Variants in MACROD2 observed in about 807,000 individuals in gnomAD.
MACROD2 encodes the protein ADP-ribose glycohydrolase MACROD2.
Under a neutral mutation model 70.4 loss-of-function variants are expected in MACROD2, and 36 were observed. The observed-to-expected ratio is 0.51, with a 90% CI of 0.39 to 0.68. MACROD2 has a LOEUF of 0.68. MACROD2 is among the 30% of genes least tolerant of loss of function. The probability of loss-of-function intolerance (pLI) is 0.00; values close to 1 mark genes in which losing one functional copy is unlikely to be tolerated. For missense variants in MACROD2, 496 were observed against 538.4 expected, an observed-to-expected ratio of 0.92 and a Z score of 0.78; for synonymous variants, 172 against 178.8, an observed-to-expected ratio of 0.96 and a Z score of 0.30.
intron 8 of MACROD2, among the ~76,000 whole-genome samples, chr20:15,557,840 C>T (rs1446824019): frequency 2.0e-5 from 3 of 152,198 alleles, no homozygotes; most frequent in South Asian, 2.1e-4. Flanking sequence ...TTACCATTGT[C>T]GGGCAATCTG....
chr20:14,788,038 A>G lies in MACROD2; in HGVS notation c.418+103079A>G, dbSNP rs142416822. Reference sequence around the variant, plus strand: ...CTCTGACAGGTAAGTCCAGGCATCAAAAAGTGTGTATTTTCTAAATATTGA... The same window carrying G: ...CTCTGACAGGTAAGTCCAGGCATCAGAAAGTGTGTATTTTCTAAATATTGA... On this transcript the variant is annotated intron_variant, in intron 5 of 17. Transcript: ENST00000684519. 7.2e-5 allele frequency among the ~76,000 whole-genome samples: 11 copies of G among 152,212 alleles called. 1 individual carries two copies. Among genetic ancestry groups the G allele is most frequent in the African/African-American group, 2.7e-4 (11 of 41,494 alleles).
chr20:15,194,910 G>A (rs1010465044), intron 5 of MACROD2, among the ~76,000 whole-genome samples: 1 of 149,810 alleles, frequency 6.7e-6, no homozygotes, highest in Non-Finnish European at 1.5e-5. Context: ...AAGAGTATAG[G>A]CAAATTATTT....
intron 4 of MACROD2, among the ~76,000 whole-genome samples, chr20:14,600,573 G>C (rs1393155222): frequency 2.6e-5 from 4 of 152,052 alleles, no homozygotes; most frequent in Non-Finnish European, 5.9e-5. Flanking sequence ...TGTTAATTTA[G>C]TCTTTTAATT....
intron 6 of MACROD2, among the ~76,000 whole-genome samples, chr20:15,252,904 C>T (rs572699289): frequency 6.6e-6 from 1 of 152,314 alleles, no homozygotes; most frequent in South Asian, 2.1e-4. Flanking sequence ...ATCATGGCAT[C>T]ACTTTGATGG....
chr20:15,272,203 T>C (rs1321087247), intron 6 of MACROD2, among the ~76,000 whole-genome samples: 2 of 152,202 alleles, frequency 1.3e-5, no homozygotes, highest in Admixed American at 1.3e-4. Context: ...TGCATAAAAC[T>C]GAGTTCAAAA....
At chr20:14,850,383 C>A (rs756294600) in intron 5 of MACROD2, 2 of 155,290 alleles carry the variant, frequency 1.3e-5, no homozygotes, top group African/African-American at 2.4e-5. Flanking sequence ...TTTACCCATT[C>A]TCTCTCAGGG....
intron 3 of MACROD2, among the ~76,000 whole-genome samples, chr20:14,175,744 A>G (rs1385530979): frequency 6.6e-6 from 1 of 152,208 alleles, no homozygotes; most frequent in Non-Finnish European, 1.5e-5. Context: ...CTGCTGGGAA[A>G]CCGATCACAA....
At chr20:15,917,181 C>A (rs2065331907) in intron 10 of MACROD2, among the ~76,000 whole-genome samples, 1 of 152,178 alleles carries the variant, frequency 6.6e-6, no homozygotes, top group Admixed American at 6.5e-5. Context: ...CTTTCTGTGT[C>A]TCTCAAATTT....
At chr20:14,483,895 C>A (rs2084691162) in intron 3 of MACROD2, among the ~76,000 whole-genome samples, 1 of 152,122 alleles carries the variant, frequency 6.6e-6, no homozygotes, top group Non-Finnish European at 1.5e-5. Flanking sequence ...AAGAGACTTA[C>A]CTTTAGTTGA....
intron 6 of MACROD2, among the ~76,000 whole-genome samples, chr20:15,264,053 T>G (rs1238782916): frequency 6.6e-6 from 1 of 152,136 alleles, no homozygotes; most frequent in East Asian, 1.9e-4. Flanking sequence ...TATAAGCAAT[T>G]GATACTGCAT....
chr20:15,337,317 A>G (rs1371188395), intron 6 of MACROD2, among the ~76,000 whole-genome samples: 2 of 151,558 alleles, frequency 1.3e-5, no homozygotes, highest in Non-Finnish European at 2.9e-5. Flanking sequence ...GCTCCCAGAG[A>G]GTCTAGGGCA....
chr20:14,323,075 A>T (rs948145540), intron 3 of MACROD2: 1 of 152,172 alleles, frequency 6.6e-6, no homozygotes, highest in Non-Finnish European at 1.5e-5. Context: ...ACACCACGCA[A>T]GCAATCAGTT....
intron 8 of MACROD2, among the ~76,000 whole-genome samples, chr20:15,807,647 T>C (rs2063781239): frequency 1.3e-5 from 2 of 152,202 alleles, no homozygotes; most frequent in African/African-American, 4.8e-5. Context: ...TTTATATTGA[T>C]TGTAAGTTGA....
chr20:14,348,558 A>C (rs1191367984), intron 3 of MACROD2, among the ~76,000 whole-genome samples: 2 of 151,948 alleles, frequency 1.3e-5, no homozygotes, highest in East Asian at 1.9e-4. Context: ...AGTAGACAAA[A>C]AAAAAAAAGA....
chr20:15,267,782 G>A, intron 6 of MACROD2, among the ~76,000 whole-genome samples: 1 of 152,164 alleles, frequency 6.6e-6, no homozygotes, highest in Non-Finnish European at 1.5e-5. Context: ...CGGGGCCTTG[G>A]GAAGTTCCTG....
chr20:14,265,359 T>C (rs1220671726), intron 3 of MACROD2, among the ~76,000 whole-genome samples: 2 of 152,094 alleles, frequency 1.3e-5, no homozygotes, highest in Non-Finnish European at 2.9e-5. Flanking sequence ...CTGAAGATGA[T>C]CTTGATCAGA....
intron 5 of MACROD2, among the ~76,000 whole-genome samples, chr20:14,941,576 A>G (rs1003415539): frequency 1.3e-5 from 2 of 152,064 alleles, no homozygotes; most frequent in Admixed American, 6.5e-5. Context: ...GTCATCTTGG[A>G]GTTTTTTCAC....
intron 8 of MACROD2, among the ~76,000 whole-genome samples, chr20:15,715,940 ATTTAAGGTTATATCAACTTC>A (rs1430712438): frequency 6.6e-6 from 1 of 152,172 alleles, no homozygotes. Context: ...GTGATAAACA[ATTTAAGGTTATATCAACTTC>A]TTTAAAAGTA....
chr20:15,964,550 G>T (rs968245451), intron 12 of MACROD2, among the ~76,000 whole-genome samples: 1 of 152,084 alleles, frequency 6.6e-6, no homozygotes, highest in Non-Finnish European at 1.5e-5. Context: ...TTCAGCTTAG[G>T]AATTTTAGGG....
Sources: allele counts gnomAD v4.1 joint callset (sites outside exome capture counted in the v4.1 genomes callset), GRCh38; gene constraint gnomAD v4.1.1; transcripts MANE v1.5; gene names NCBI Gene and HGNC (gene_info 2026-07-23, HGNC 2026-07-21).